SLIT3: variants seen among roughly 807,000 people sequenced by gnomAD.
The protein encoded by SLIT3 is slit guidance ligand 3, also known as slit homolog 3 protein.
Under a neutral mutation model 184.0 loss-of-function variants are expected in SLIT3, and 68 were observed. The ratio of observed to expected loss-of-function variants is 0.37; its 90% confidence interval spans 0.30 to 0.45. SLIT3 has a LOEUF of 0.45. Among genes scored for constraint, SLIT3 ranks in the 20% least tolerant of loss-of-function variants. The pLI is 1.00. For synonymous variants in SLIT3, 831 were observed against 828.6 expected (o/e 1.00, Z -0.05); for missense variants, 1,707 against 2,026.0 (o/e 0.84, Z 3.02).
intron 14 of SLIT3, among the ~76,000 whole-genome samples, chr5:168,770,932 T>C (rs2113530843): frequency 6.6e-6 from 1 of 151,630 alleles, no homozygotes; most frequent in Admixed American, 6.6e-5. Context: ...CCCAGAAAAT[T>C]GCCAAGACTG....
Position 169,300,841 on chromosome 5 carries a change from C to A in SLIT3, c.-132G>T, listed in dbSNP as rs1383145896. 1 of 953,734 alleles carries A rather than the reference C, an allele frequency of 1.0e-6. No homozygotes were observed. Among genetic ancestry groups the A allele is most frequent in the Admixed American group, 4.6e-5 (1 of 21,956 alleles). The allele number at this position is 953,734 out of a possible 1,614,324, so 59.1% of individuals were successfully genotyped here. ...AGTTAGCGCGGAGGAGGGGCGAGCT[C>A]GGTGCTCAGGCGCACGGGGCGCGGG... On this transcript the variant is annotated 5_prime_UTR_variant, in exon 1 of 36. Coordinates refer to ENST00000519560, the MANE Select transcript of SLIT3 (RefSeq NM_003062.4). This position sits in a 1 kb window ranked among gnomAD's most constrained non-coding sequence, Gnocchi z 4.1.
At chr5:168,787,333 T>G (rs1237475889) in intron 11 of SLIT3, among the ~76,000 whole-genome samples, 1 of 152,186 alleles carries the variant, frequency 6.6e-6, no homozygotes, top group Non-Finnish European at 1.5e-5. Context: ...TGCCTTGGGA[T>G]AGCAGGCTTC....
chr5:168,987,724 T>C (rs1321257112), intron 4 of SLIT3, among the ~76,000 whole-genome samples: 1 of 152,382 alleles, frequency 6.6e-6, no homozygotes, highest in East Asian at 1.9e-4. Context: ...TGTGGTTACC[T>C]GTACTTTCCC....
At position 168,938,437 on chromosome 5, in the gene SLIT3, G is replaced by A. The variant is rs114746821; in HGVS notation, c.414-55101C>T. On this transcript the variant is annotated intron_variant, in intron 4 of 35. Transcript: ENST00000519560. ...AGTGCCTAGCATATTGCCTGGTACT[G>A]AGAAAGTGACAGATGGATCCTTGCC... 4.6e-3 allele frequency among the ~76,000 whole-genome samples: 707 copies of A among 152,322 alleles called. 6 individuals are homozygous for A. Among genetic ancestry groups the A allele is most frequent in the African/African-American group, 0.016 (673 of 41,568 alleles).
In SLIT3 at chr5:169,069,048, A is replaced by C. The variant is rs555696937; in HGVS notation, c.413+124431T>G. On this transcript the variant is annotated intron_variant, in intron 4 of 35. Coordinates refer to ENST00000519560, the MANE Select transcript of SLIT3 (RefSeq NM_003062.4). ...AGGTACAGCTAGGAAATAACAAAGC[A>C]ATGGCTGCCCTTTATTGAAGAGCAA... Among the ~76,000 whole-genome samples, 1,099 of 152,328 alleles carry C rather than the reference A, an allele frequency of 7.2e-3. 9 individuals carry two copies. The highest frequency in any genetic ancestry group is 0.01 in the Non-Finnish European group (699 of 68,030).
rs1235828570 is a variant in SLIT3, at chr5:168,880,873, C to T, written c.485+2392G>A. Among the ~76,000 whole-genome samples the T allele has an allele frequency of 2.0e-5, 3 of 152,200 alleles. No individual in the cohort carries two copies. In the East Asian group the frequency reaches 5.8e-4, roughly 29 times the overall value. On this transcript the variant is annotated intron_variant, in intron 5 of 35. Transcript: ENST00000519560. ...CTCATTACGTATAGCTACTTATTAG[C>T]CAACTTTCATGTTGATTGGTACTTT...
chr5:168,719,429 T>C (rs911881635), intron 23 of SLIT3, among the ~76,000 whole-genome samples: 11 of 152,232 alleles, frequency 7.2e-5, no homozygotes, highest in African/African-American at 2.7e-4. Context: ...ATTTTTTTCA[T>C]TTGCTCTCTT....
rs778726331 is a variant in SLIT3 at position 168,722,923 on chromosome 5, G to A, written c.2411+10C>T. On this transcript the variant is annotated intron_variant, in intron 22 of 35. Transcript: ENST00000519560. The stretch of plus-strand genomic sequence containing the variant: ...AGGGCATGGTAAACACAGCATCTCA[G>A]TGTACTCACAGAGTGGAGAGGTGAG... 3.1e-6 allele frequency: 5 copies of A among 1,601,720 alleles called. No individual in the cohort carries two copies. Among genetic ancestry groups the A allele is most frequent in the South Asian group, 2.2e-5 (2 of 90,838 alleles).
At chr5:169,116,522 A>G (rs1439435232) in intron 4 of SLIT3, among the ~76,000 whole-genome samples, 1 of 152,222 alleles carries the variant, frequency 6.6e-6, no homozygotes, top group Non-Finnish European at 1.5e-5. Context: ...CCAGAAACCC[A>G]AAGACATTGT....
intron 12 of SLIT3, among the ~76,000 whole-genome samples, chr5:168,785,701 A>C (rs1328578247): frequency 1.3e-5 from 2 of 152,200 alleles, no homozygotes; most frequent in Non-Finnish European, 2.9e-5. Flanking sequence ...GGGTTTATGC[A>C]CACTGACCTC....
chr5:169,068,520 T>TA (rs1243705622), intron 4 of SLIT3, among the ~76,000 whole-genome samples: 1 of 152,190 alleles, frequency 6.6e-6, no homozygotes, highest in Non-Finnish European at 1.5e-5. Flanking sequence ...ATGGGCTGCA[T>TA]ATTATACTCA....
At chr5:169,225,281 T>A (rs1002346940) in intron 3 of SLIT3, among the ~76,000 whole-genome samples, 1 of 152,280 alleles carries the variant, frequency 6.6e-6, no homozygotes, top group East Asian at 1.9e-4. Context: ...CCACTCCCAC[T>A]GCAAGTGGGT....
intron 5 of SLIT3, among the ~76,000 whole-genome samples, chr5:168,857,422 T>C (rs1441927954): frequency 6.6e-6 from 1 of 152,132 alleles, no homozygotes; most frequent in East Asian, 1.9e-4. Flanking sequence ...TGATGTGATT[T>C]AGTGGAAAAA....
chr5:168,874,499 T>G (rs1759659583), intron 5 of SLIT3, among the ~76,000 whole-genome samples: 1 of 152,238 alleles, frequency 6.6e-6, no homozygotes, highest in South Asian at 2.1e-4. Context: ...CCTCTCCTTT[T>G]ACGTAACTTA....
At chr5:168,686,451 G>A (rs1761747464) in intron 30 of SLIT3, among the ~76,000 whole-genome samples, 1 of 152,192 alleles carries the variant, frequency 6.6e-6, no homozygotes, top group Non-Finnish European at 1.5e-5. Flanking sequence ...TGAATCTTGA[G>A]AACACTATAT....
At chr5:168,901,118 T>G (rs1480162317) in intron 4 of SLIT3, among the ~76,000 whole-genome samples, 1 of 152,142 alleles carries the variant, frequency 6.6e-6, no homozygotes, top group Non-Finnish European at 1.5e-5. Flanking sequence ...ATCCCAGAAC[T>G]TTGGGAGGCC....
chr5:168,780,886 T>C (rs1755945619), intron 12 of SLIT3, among the ~76,000 whole-genome samples: 2 of 152,194 alleles, frequency 1.3e-5, no homozygotes, highest in African/African-American at 4.8e-5. Flanking sequence ...AAGAACCCAA[T>C]GACAGCTGAT....
chr5:169,071,889 G>C (rs759782138), intron 4 of SLIT3, among the ~76,000 whole-genome samples: 2 of 152,166 alleles, frequency 1.3e-5, no homozygotes, highest in African/African-American at 2.4e-5. Context: ...GTTAGAGGAA[G>C]AAGGGGAGAA....
intron 4 of SLIT3, chr5:169,024,592 G>C (rs879248438): frequency 6.6e-6 from 1 of 152,090 alleles, no homozygotes; most frequent in African/African-American, 2.4e-5. Flanking sequence ...GCACAGGATC[G>C]GGAGAACATA....
Sources: gnomAD v4.1 joint callset for allele counts (sites outside exome capture counted in the v4.1 genomes callset) on GRCh38, gnomAD v4.1.1 for gene constraint, Gnocchi (gnomAD v3.1) non-coding constraint, MANE v1.5 for transcripts, NCBI Gene and HGNC (gene_info 2026-07-23, HGNC 2026-07-21) for gene names.